The following TOP1 variants were observed in gnomAD, a reference collection of about 807,000 sequenced individuals.
TOP1 encodes DNA topoisomerase I.
In TOP1, 10 loss-of-function variants were observed where a neutral mutation model predicts 111.1. That is an observed-to-expected ratio of 0.09 (90% CI 0.06 to 0.15). The LOEUF (loss-of-function observed/expected upper bound fraction) is 0.15. TOP1 is among the 10% of genes least tolerant of loss of function. The pLI is 1.00. For synonymous variants in TOP1, 271 were observed against 302.9 expected, an observed-to-expected ratio of 0.89 and a Z score of 1.10; for missense variants, 474 against 926.7, an observed-to-expected ratio of 0.51 and a Z score of 6.34.
chr20:41,119,958 G>A (rs931298767), intron 18 of TOP1, among the ~76,000 whole-genome samples: 10 of 152,252 alleles, frequency 6.6e-5, no homozygotes, highest in African/African-American at 2.2e-4. Flanking sequence ...CCTCCCAGGA[G>A]CATGAGGAGG....
chr20:41,062,582 A>G (rs1308990022), intron 3 of TOP1, among the ~76,000 whole-genome samples: 1 of 152,104 alleles, frequency 6.6e-6, no homozygotes, highest in Non-Finnish European at 1.5e-5. Context: ...TGTCTAGCTT[A>G]TGTTAATATC....
intron 7 of TOP1, 74 bp downstream of exon 7, chr20:41,081,314 A>T: frequency 6.7e-7 from 1 of 1,500,770 alleles, no homozygotes; most frequent in Non-Finnish European, 8.9e-7. Context: ...ACTTCTTAAG[A>T]CAAATGAGTT....
chr20:41,101,235 C>T lies in TOP1; in HGVS notation c.1190C>T (p.Pro397Leu), dbSNP rs1473712126. 4 of 1,614,090 alleles carry T rather than the reference C, an allele frequency of 2.5e-6. 1 individual carries two copies. In the South Asian group the frequency reaches 4.4e-5, roughly 18 times the overall value. Residue 397 changes from proline (P) to leucine (L), a missense_variant, in exon 13 of 21, where the codon CCA becomes CTA. Around this residue, in one of 14 missense-constraint regions of TOP1, gnomAD observed 22 missense variants for 30.4 expected, o/e 0.72. Transcript: ENST00000361337. The surrounding 1 kb of genome is among the most constrained non-coding windows in gnomAD (Gnocchi z 4.1). ...GATGCCAAGGTTCCTTCTCCTCCTC[C>T]AGGACATAAGTGGAAAGAAGTCCGG... ...SKDAKVPSPP[P>L]GHKWKEVRHD...
chr20:41,038,160 G>A (rs565202432), intron 2 of TOP1, among the ~76,000 whole-genome samples: 11 of 152,114 alleles, frequency 7.2e-5, no homozygotes, highest in Admixed American at 5.2e-4. Context: ...ATAGTCTCCC[G>A]GCCTCCAACC....
At position 41,097,438 on chromosome 20, in the gene TOP1, T is replaced by G; in HGVS notation, c.852+97T>G. 1 of 1,287,594 alleles carries G rather than the reference T, an allele frequency of 7.8e-7. No individual in the cohort carries two copies. The highest frequency in any genetic ancestry group is 1.5e-5 in the South Asian group (1 of 66,484). The allele number at this position is 1,287,594 out of a possible 1,614,324, so 79.8% of individuals were successfully genotyped here. On this transcript the variant is annotated intron_variant, in intron 10 of 20. Transcript: ENST00000361337. The surrounding 1 kb of genome is among the most constrained non-coding windows in gnomAD (Gnocchi z 4.2). ...TTGCAAAACATTTCCTGATGTAAAA[T>G]TTGAGTTGTATGGATTTTGTTGTAT...
chr20:41,067,781 C>A lies in TOP1; in HGVS notation c.155+6291C>A, dbSNP rs2033625303. Among the ~76,000 whole-genome samples, 1 of 152,220 alleles carries A rather than the reference C, an allele frequency of 6.6e-6. No individual in the cohort carries two copies. The highest frequency in any genetic ancestry group is 1.5e-5 in the Non-Finnish European group (1 of 68,048). The stretch of plus-strand genomic sequence containing the variant: ...TTTACTGTCCTGTGCAGTAGCAATA[C>A]TGCAGACTTGGAGTGGGAGAGTAGC... On this transcript the variant is annotated intron_variant, in intron 3 of 20. Coordinates refer to ENST00000361337, the MANE Select transcript of TOP1 (RefSeq NM_003286.4). This position sits in a 1 kb window ranked among gnomAD's most constrained non-coding sequence, Gnocchi z 4.0.
In TOP1 at chr20:41,110,194, G is replaced by C. The variant is rs1285399981; in HGVS notation, c.1309-2588G>C. Among the ~76,000 whole-genome samples, 1 of 152,122 alleles carries C rather than the reference G, an allele frequency of 6.6e-6. No individual in the cohort carries two copies. On this transcript the variant is annotated intron_variant, in intron 13 of 20. Transcript: ENST00000361337. This position sits in a 1 kb window ranked among gnomAD's most constrained non-coding sequence, Gnocchi z 4.2. ...CAGCTATTCAGGAGGCTGAGACATG[G>C]GAATCGCTTGAACCTGAGGGGTAGA...
Position 41,098,492 on chromosome 20 carries a change from AGGTTT to A in TOP1, c.975+156_975+160del. The A allele has an allele frequency of 1.2e-6, 1 of 857,402 alleles. No homozygotes were observed. Among genetic ancestry groups the A allele is most frequent in the South Asian group, 1.9e-5 (1 of 53,556 alleles). The allele number at this position is 857,402 out of a possible 1,614,324, so 53.1% of individuals were successfully genotyped here. A position where few individuals can be genotyped will look rare whatever the true frequency, so the allele number is the denominator to read the frequency against. On this transcript the variant is annotated intron_variant, in intron 11 of 20. Coordinates refer to ENST00000361337, the MANE Select transcript of TOP1 (RefSeq NM_003286.4). The surrounding 1 kb of genome is among the most constrained non-coding windows in gnomAD (Gnocchi z 5.7). ...GTTCTCAAAGTCTAAATTTTCTTAA[AGGTTT>A]TAGTTAGACTGAAAATTGTGAACAA...
chr20:41,076,647 C>A (rs1177466933), intron 4 of TOP1, among the ~76,000 whole-genome samples: 2 of 152,160 alleles, frequency 1.3e-5, no homozygotes, highest in African/African-American at 2.4e-5. Flanking sequence ...ATGCTGGTGT[C>A]TTTTGTGGCA....
At chr20:41,074,135 G>A (rs1397405806) in intron 3 of TOP1, among the ~76,000 whole-genome samples, 2 of 151,834 alleles carry the variant, frequency 1.3e-5, no homozygotes, top group Non-Finnish European at 2.9e-5. Context: ...TCTAAAGCTT[G>A]GCGAAGTTAA....
At chr20:41,077,445 C>T (rs1600575101) in intron 4 of TOP1, 137 bp from the exon 5 acceptor site, 2 of 658,980 alleles carry the variant, frequency 3.0e-6, no homozygotes, top group East Asian at 2.6e-5. Flanking sequence ...ACCTTTAGTT[C>T]ATCTGTTCAG....
intron 8 of TOP1, among the ~76,000 whole-genome samples, chr20:41,086,416 G>A (rs2033849561): frequency 6.6e-6 from 1 of 152,128 alleles, no homozygotes; most frequent in Admixed American, 6.5e-5. Context: ...GTTATTATTG[G>A]GAGTTAAGAG....
At chr20:41,039,500 C>T (rs1267772089) in intron 2 of TOP1, among the ~76,000 whole-genome samples, 3 of 151,884 alleles carry the variant, frequency 2.0e-5, no homozygotes, top group African/African-American at 7.3e-5. Flanking sequence ...TTTTTGTATA[C>T]CTATATACCC....
At position 41,121,815 on chromosome 20, in the gene TOP1, TGGGGCTGGTAGAGAAAAG is replaced by T. The variant is rs1323051785; in HGVS notation, c.2045+26_2045+43del. ...AGTATGTACCTGGTATTGTGAAAGT[TGGGGCTGGTAGAGAAAAG>T]TGTGCAGCATCTGTCAGGGCCCCTG... On this transcript the variant is annotated intron_variant, in intron 19 of 20. Coordinates refer to ENST00000361337, the MANE Select transcript of TOP1 (RefSeq NM_003286.4). The surrounding 1 kb of genome is among the most constrained non-coding windows in gnomAD (Gnocchi z 4.2). 1.9e-6 allele frequency: 3 copies of T among 1,608,598 alleles called. No individual in the cohort carries two copies. The highest frequency in any genetic ancestry group is 2.6e-6 in the Non-Finnish European group (3 of 1,174,940).
intron 8 of TOP1, among the ~76,000 whole-genome samples, chr20:41,085,800 C>T (rs938903908): frequency 4.6e-5 from 7 of 152,194 alleles, no homozygotes; most frequent in African/African-American, 1.4e-4. Context: ...AGAAAGAGCA[C>T]TGACCAGGAA....
intron 8 of TOP1, among the ~76,000 whole-genome samples, chr20:41,090,206 C>G (rs999412659): frequency 4.7e-4 from 72 of 152,224 alleles, no homozygotes; most frequent in African/African-American, 1.7e-3. Flanking sequence ...AACTCCTGAC[C>G]TCAAGTGATC....
Position 41,123,523 on chromosome 20 carries a change from A to G in TOP1, c.*226A>G. On this transcript the variant is annotated 3_prime_UTR_variant, in exon 21 of 21. Coordinates refer to ENST00000361337, the MANE Select transcript of TOP1 (RefSeq NM_003286.4). This position sits in a 1 kb window ranked among gnomAD's most constrained non-coding sequence, Gnocchi z 5.8. ...TTTCAGATATCAAAATTCTAGCTGT[A>G]TGATTTGTTTTGAATTTTGTTTTTA... 2.3e-6 allele frequency: 1 copy of G among 426,466 alleles called. No homozygotes were observed. The allele number at this position is 426,466 out of a possible 1,614,324, so 26.4% of individuals were successfully genotyped here.
chr20:41,081,269 G>T lies in TOP1; in HGVS notation c.507+29G>T, dbSNP rs745646176. The T allele has an allele frequency of 2.5e-6, 4 of 1,573,724 alleles. No homozygotes were observed. The South Asian group carries it at 3.5e-5, about 14-fold the overall frequency. ...AGTAAAGAGACTTAGGTCCTTTGGG[G>T]CTTGAGTTTGGAAGTGGGAGTTTTC... On this transcript the variant is annotated intron_variant, in intron 7 of 20. Coordinates refer to ENST00000361337, the MANE Select transcript of TOP1 (RefSeq NM_003286.4).
Position 41,082,833 on chromosome 20 carries a change from A to G in TOP1, c.507+1593A>G, listed in dbSNP as rs958588960. Reference sequence around the variant, plus strand: ...AAGGAATATAAAACTTGAGTTCTCCAAGTGTTTTTTTTTTATGTTTATATT... The same window carrying G: ...AAGGAATATAAAACTTGAGTTCTCCGAGTGTTTTTTTTTTATGTTTATATT... On this transcript the variant is annotated intron_variant, in intron 7 of 20. Transcript: ENST00000361337. The surrounding 1 kb of genome is among the most constrained non-coding windows in gnomAD (Gnocchi z 4.1). Among the ~76,000 whole-genome samples, 1 of 10,436 alleles carries G rather than the reference A, an allele frequency of 9.6e-5. No homozygotes were observed. The highest frequency in any genetic ancestry group is 4.0e-4 in the African/African-American group (1 of 2,470). 6.8% of individuals were successfully genotyped at this position (10,436 alleles called of 152,430 possible). A position where few individuals can be genotyped will look rare whatever the true frequency, so the allele number is the denominator to read the frequency against.
Sources: allele counts gnomAD v4.1 joint callset (sites outside exome capture counted in the v4.1 genomes callset), GRCh38; gene constraint gnomAD v4.1.1; regional missense constraint gnomAD v4.1.1; non-coding constraint Gnocchi (gnomAD v3.1); transcripts MANE v1.5; gene names NCBI Gene and HGNC (gene_info 2026-07-23, HGNC 2026-07-21).